Variants in SEPTIN7 observed in about 807,000 individuals in gnomAD.
The protein encoded by SEPTIN7 is septin-7.
SEPTIN7 carries 10 observed loss-of-function variants against 63.3 expected under a neutral mutation model. That is an observed-to-expected ratio of 0.16 (90% CI 0.10 to 0.27). The LOEUF (loss-of-function observed/expected upper bound fraction) is 0.27, where lower values mean the gene tolerates loss of function less well. SEPTIN7 is among the 10% of genes least tolerant of loss of function. The pLI is 1.00. For synonymous variants in SEPTIN7, 131 were observed against 165.3 expected (o/e 0.79, Z 1.59); for missense variants, 310 against 521.0 (o/e 0.59, Z 3.94).
chr7:35,853,760 C>A (rs1333465891), intron 3 of SEPTIN7, among the ~76,000 whole-genome samples: 2 of 151,852 alleles, frequency 1.3e-5, no homozygotes, highest in Non-Finnish European at 2.9e-5. Flanking sequence ...GTAAAATATC[C>A]CATGTCAGAT....
chr7:35,878,251 T>A (rs186879086), intron 6 of SEPTIN7, among the ~76,000 whole-genome samples: 9 of 151,842 alleles, frequency 5.9e-5, no homozygotes, highest in Non-Finnish European at 1.0e-4. Flanking sequence ...TCCTAAAGGA[T>A]GAATAGGAAT....
intron 1 of SEPTIN7, among the ~76,000 whole-genome samples, chr7:35,813,177 A>G (rs1397654332): frequency 6.6e-6 from 1 of 152,220 alleles, no homozygotes; most frequent in Non-Finnish European, 1.5e-5. Context: ...AGGCTCAGAA[A>G]GGTTATGTAA....
intron 1 of SEPTIN7, among the ~76,000 whole-genome samples, chr7:35,830,593 G>A (rs1027477616): frequency 6.6e-6 from 1 of 152,152 alleles, no homozygotes; most frequent in African/African-American, 2.4e-5. Flanking sequence ...GAGGAAGTTC[G>A]GAAGTCATTG....
At chr7:35,882,262 G>A (rs946253781) in intron 7 of SEPTIN7, among the ~76,000 whole-genome samples, 3 of 150,418 alleles carry the variant, frequency 2.0e-5, no homozygotes, top group African/African-American at 7.3e-5. Flanking sequence ...TAACACTTCG[G>A]AAGTAATTGG....
intron 4 of SEPTIN7, among the ~76,000 whole-genome samples, chr7:35,866,488 G>T (rs1044803577): frequency 2.0e-5 from 3 of 152,110 alleles, no homozygotes; most frequent in African/African-American, 7.2e-5. Flanking sequence ...AAAATGGGGA[G>T]AAAAACTGTC....
intron 1 of SEPTIN7, among the ~76,000 whole-genome samples, chr7:35,820,461 T>C (rs1247129188): frequency 1.3e-5 from 2 of 152,168 alleles, no homozygotes; most frequent in Admixed American, 6.5e-5. Flanking sequence ...GTTAATGTTA[T>C]TTAACCCATT....
intron 6 of SEPTIN7, among the ~76,000 whole-genome samples, chr7:35,874,633 A>C (rs1786360234): frequency 6.6e-6 from 1 of 152,074 alleles, no homozygotes; most frequent in South Asian, 2.1e-4. Context: ...CAATTCCTTC[A>C]AGTATACCTT....
rs575704501 is a variant in SEPTIN7 at position 35,854,910 on chromosome 7, C to CT, written c.170-8638dup. Among the ~76,000 whole-genome samples the CT allele has an allele frequency of 7.9e-5, 12 of 152,092 alleles. No individual in the cohort carries two copies. The South Asian group carries it at 1.7e-3, about 21-fold the overall frequency. The stretch of plus-strand genomic sequence containing the variant: ...CACTGTTACAAAGTTGGTATATTCA[C>CT]TTTTATTATTACCCTCCCCTTGGCT... On this transcript the variant is annotated intron_variant, in intron 3 of 13. Coordinates refer to ENST00000350320, the MANE Select transcript of SEPTIN7 (RefSeq NM_001788.6).
At chr7:35,881,499 CTT>C (rs397962604) in intron 7 of SEPTIN7, among the ~76,000 whole-genome samples, 17 of 139,176 alleles carry the variant, frequency 1.2e-4, no homozygotes, top group African/African-American at 7.9e-5. Context: ...CTTGTTTATT[CTT>C]TTTTTTTTTT....
At chr7:35,856,507 G>A (rs1785215158) in intron 3 of SEPTIN7, among the ~76,000 whole-genome samples, 2 of 152,186 alleles carry the variant, frequency 1.3e-5, no homozygotes, top group African/African-American at 2.4e-5. Context: ...CTGGATCATT[G>A]CCTTGTGTCC....
At chr7:35,806,274 A>G (rs1467734808) in intron 1 of SEPTIN7, among the ~76,000 whole-genome samples, 1 of 152,258 alleles carries the variant, frequency 6.6e-6, no homozygotes, top group African/African-American at 2.4e-5. Context: ...AAACTTGGGA[A>G]TCAAAATTAC....
At chr7:35,832,044 A>G in intron 2 of SEPTIN7, 1 of 448,808 alleles carries the variant, frequency 2.2e-6, no homozygotes. Flanking sequence ...GGTAAGTTAG[A>G]AGTCAGACTT....
rs189467106 is a variant in SEPTIN7 at position 35,879,458 on chromosome 7, A to T, written c.513-365A>T. The T allele has an allele frequency of 8.6e-5, 14 of 162,178 alleles. 1 individual carries two copies. In the East Asian group the frequency reaches 2.4e-3, roughly 28 times the overall value. 10.0% of individuals were successfully genotyped at this position (162,178 alleles called of 1,614,324 possible). A position where few individuals can be genotyped will look rare whatever the true frequency, so the allele number is the denominator to read the frequency against. ...TACACCACTGCACTCCACCCAGGGC[A>T]ACAGAGTGAGACCCTGTCTTAAAAA... On this transcript the variant is annotated intron_variant, in intron 6 of 13. Coordinates refer to ENST00000350320, the MANE Select transcript of SEPTIN7 (RefSeq NM_001788.6).
chr7:35,903,731 T>C (rs1788459269), intron 13 of SEPTIN7, among the ~76,000 whole-genome samples: 2 of 152,224 alleles, frequency 1.3e-5, no homozygotes, highest in Admixed American at 1.3e-4. Flanking sequence ...GGTTTTCTTT[T>C]CCTTAATAGT....
chr7:35,889,541 AAT>A (rs1248534258), intron 10 of SEPTIN7, among the ~76,000 whole-genome samples: 2 of 152,144 alleles, frequency 1.3e-5, no homozygotes. Context: ...ACAGTACAAC[AAT>A]ACACTTTTTT....
At chr7:35,861,900 T>G (rs535192551) in intron 3 of SEPTIN7, among the ~76,000 whole-genome samples, 1 of 152,270 alleles carries the variant, frequency 6.6e-6, no homozygotes, top group South Asian at 2.1e-4. Flanking sequence ...CAGAAAAATG[T>G]CACAAAAGTT....
intron 1 of SEPTIN7, among the ~76,000 whole-genome samples, chr7:35,802,094 A>G (rs1788030703): frequency 6.6e-6 from 1 of 152,144 alleles, no homozygotes; most frequent in Admixed American, 6.5e-5. Flanking sequence ...TGGAAAAGGG[A>G]GGGAGCGGAG....
At chr7:35,863,458 T>C (rs929530916) in intron 3 of SEPTIN7, 94 bp from the exon 4 acceptor site, 5 of 674,458 alleles carry the variant, frequency 7.4e-6, no homozygotes, top group African/African-American at 7.3e-5. Context: ...CAAGAAGTAC[T>C]TGCATAAGGC....
chr7:35,816,204 G>T (rs973270768), intron 1 of SEPTIN7, among the ~76,000 whole-genome samples: 2 of 152,088 alleles, frequency 1.3e-5, no homozygotes, highest in African/African-American at 4.8e-5. Context: ...AGCCCCAAAT[G>T]AAACTTTGCA....
Sources: allele counts gnomAD v4.1 joint callset (sites outside exome capture counted in the v4.1 genomes callset), GRCh38; gene constraint gnomAD v4.1.1; transcripts MANE v1.5; gene names NCBI Gene and HGNC (gene_info 2026-07-23, HGNC 2026-07-21).